FOXP2: variants seen among roughly 807,000 people sequenced by gnomAD.
The protein encoded by FOXP2 is forkhead box P2.
In FOXP2, 12 loss-of-function variants were observed where a neutral mutation model predicts 115.8. That is an observed-to-expected ratio of 0.10 (90% CI 0.07 to 0.17). FOXP2 has a LOEUF of 0.17. Among genes scored for constraint, FOXP2 ranks in the 10% least tolerant of loss-of-function variants. The pLI, the probability that FOXP2 is intolerant of heterozygous loss-of-function variation, is 1.00. For missense variants in FOXP2, 629 were observed against 843.5 expected (o/e 0.75, Z 3.15); for synonymous variants, 328 against 297.7 (o/e 1.10, Z -1.05).
At chr7:114,492,280 C>A (rs550392932) in intron 2 of FOXP2, among the ~76,000 whole-genome samples, 4 of 151,768 alleles carry the variant, frequency 2.6e-5, no homozygotes, top group African/African-American at 9.7e-5. Context: ...TTTTTTATTG[C>A]GTGTATTTGA....
At chr7:114,324,661 A>T (rs1314147182) in intron 2 of FOXP2, among the ~76,000 whole-genome samples, 1 of 151,872 alleles carries the variant, frequency 6.6e-6, no homozygotes, top group Non-Finnish European at 1.5e-5. Context: ...CTATGAATGG[A>T]ATTTAATAAC....
At chr7:114,218,854 C>T (rs1397945625) in intron 1 of FOXP2, among the ~76,000 whole-genome samples, 2 of 152,116 alleles carry the variant, frequency 1.3e-5, no homozygotes, top group East Asian at 3.9e-4. Context: ...CAACAGTATA[C>T]ATGTTTATGC....
At chr7:114,426,016 T>C (rs1793829617) in intron 1 of FOXP2, among the ~76,000 whole-genome samples, 1 of 151,700 alleles carries the variant, frequency 6.6e-6, no homozygotes, top group Non-Finnish European at 1.5e-5. Flanking sequence ...TTACAAAATT[T>C]TAATTTTGTA....
chr7:114,661,851 A>C, intron 13 of FOXP2: 1 of 529,832 alleles, frequency 1.9e-6, no homozygotes. Flanking sequence ...TTATTAAAAT[A>C]GCTTGGAAGG....
intron 2 of FOXP2, among the ~76,000 whole-genome samples, chr7:114,459,721 T>A (rs1795477502): frequency 6.6e-6 from 1 of 152,208 alleles, no homozygotes; most frequent in Admixed American, 6.5e-5. Context: ...ATTTAAGCAA[T>A]TCTCCTGCCT....
At chr7:114,526,926 C>T (rs143014761) in intron 2 of FOXP2, among the ~76,000 whole-genome samples, 46 of 152,028 alleles carry the variant, frequency 3.0e-4, no homozygotes, top group Non-Finnish European at 5.0e-4. Context: ...TAAAAAGAAA[C>T]CCCATTCTCA....
chr7:114,400,012 G>A (rs1449908282), intron 2 of FOXP2, among the ~76,000 whole-genome samples: 2 of 151,492 alleles, frequency 1.3e-5, no homozygotes, highest in African/African-American at 2.4e-5. Flanking sequence ...GCCTGGTACC[G>A]CACCTGGCTA....
At chr7:114,687,898 A>G (rs1487490435) in intron 16 of FOXP2, among the ~76,000 whole-genome samples, 3 of 152,122 alleles carry the variant, frequency 2.0e-5, no homozygotes, top group African/African-American at 7.2e-5. Flanking sequence ...TCTTACATTA[A>G]GAAGTAACTC....
chr7:114,481,933 G>A (rs949481532), intron 2 of FOXP2, among the ~76,000 whole-genome samples: 2 of 151,178 alleles, frequency 1.3e-5, no homozygotes, highest in Non-Finnish European at 3.0e-5. Context: ...TGTATAATCA[G>A]GAAAATGTTC....
intron 3 of FOXP2, among the ~76,000 whole-genome samples, chr7:114,556,415 A>G (rs1800454685): frequency 6.6e-6 from 1 of 152,178 alleles, no homozygotes; most frequent in South Asian, 2.1e-4. Context: ...AAAAGGAACT[A>G]CCACATCCTC....
intron 2 of FOXP2, among the ~76,000 whole-genome samples, chr7:114,514,705 T>A (rs906206275): frequency 4.0e-5 from 6 of 151,624 alleles, no homozygotes; most frequent in East Asian, 1.9e-4. Context: ...TTATTTATTT[T>A]TTATATTTTC....
intron 1 of FOXP2, among the ~76,000 whole-genome samples, chr7:114,090,194 G>T (rs1339338796): frequency 1.3e-5 from 2 of 151,908 alleles, no homozygotes; most frequent in African/African-American, 2.4e-5. Context: ...TGTAAGAAGA[G>T]AATGAGATTG....
chr7:114,232,442 A>G (rs1794904233), intron 1 of FOXP2, among the ~76,000 whole-genome samples: 1 of 152,224 alleles, frequency 6.6e-6, no homozygotes, highest in Non-Finnish European at 1.5e-5. Context: ...ATTCACAATA[A>G]TCAGGAGATG....
chr7:114,094,278 C>T (rs769270682), intron 1 of FOXP2, among the ~76,000 whole-genome samples: 4 of 152,118 alleles, frequency 2.6e-5, no homozygotes, highest in Admixed American at 1.3e-4. Context: ...CTTTTGAATA[C>T]GAAGTCATGA....
intron 1 of FOXP2, among the ~76,000 whole-genome samples, chr7:114,420,080 A>G (rs1793549571): frequency 1.3e-5 from 2 of 151,862 alleles, no homozygotes; most frequent in African/African-American, 4.8e-5. Flanking sequence ...AAAAACAGCA[A>G]GGGATCCCAG....
chr7:114,543,387 C>G (rs1799774576), intron 3 of FOXP2, among the ~76,000 whole-genome samples: 1 of 152,080 alleles, frequency 6.6e-6, no homozygotes, highest in African/African-American at 2.4e-5. Flanking sequence ...AAAAAAATTT[C>G]CATTTCAAAA....
intron 1 of FOXP2, among the ~76,000 whole-genome samples, chr7:114,151,892 G>C (rs963914658): frequency 6.6e-6 from 1 of 152,062 alleles, no homozygotes; most frequent in Non-Finnish European, 1.5e-5. Flanking sequence ...CTTTAGTGTG[G>C]AAGGGAAAAA....
At chr7:114,639,100 C>T (rs901899800) in intron 6 of FOXP2, among the ~76,000 whole-genome samples, 2 of 152,156 alleles carry the variant, frequency 1.3e-5, no homozygotes, top group Admixed American at 6.6e-5. Flanking sequence ...AATCCAAAAA[C>T]TGAGTTACCA....
chr7:114,674,361 G>T (rs1807650277), intron 16 of FOXP2, among the ~76,000 whole-genome samples: 1 of 152,126 alleles, frequency 6.6e-6, no homozygotes, highest in Non-Finnish European at 1.5e-5. Context: ...AGAATCATTT[G>T]TTCACTCCAA....
Sources: gnomAD v4.1 joint callset for allele counts (sites outside exome capture counted in the v4.1 genomes callset) on GRCh38, gnomAD v4.1.1 for gene constraint, MANE v1.5 for transcripts, NCBI Gene and HGNC (gene_info 2026-07-23, HGNC 2026-07-21) for gene names.